R3HDM2: variants seen among roughly 807,000 people sequenced by gnomAD.
R3HDM2 encodes R3H domain containing 2, also known as R3H domain-containing protein 2.
R3HDM2 carries 38 observed loss-of-function variants against 124.5 expected under a neutral mutation model. That is an observed-to-expected ratio of 0.31 (90% CI 0.24 to 0.40). R3HDM2 has a LOEUF of 0.40. Ranked by LOEUF, R3HDM2 falls within the 10% of genes least tolerant of loss-of-function variation. The probability of loss-of-function intolerance (pLI) is 1.00; values close to 1 mark genes in which losing one functional copy is unlikely to be tolerated. For missense variants in R3HDM2, 869 were observed against 1,236.9 expected (o/e 0.70, Z 4.46); for synonymous variants, 391 against 448.0 (o/e 0.87, Z 1.61).
chr12:57,277,280 AC>A (rs2045054451), intron 14 of R3HDM2, among the ~76,000 whole-genome samples: 2 of 151,548 alleles, frequency 1.3e-5, no homozygotes, highest in Admixed American at 1.3e-4. Context: ...CCTCAGCCTC[AC>A]CCCTGGTTTC....
At position 57,269,420 on chromosome 12, in the gene R3HDM2, T is replaced by C. The variant is rs1372752938; in HGVS notation, c.1617A>G (p.Gln539=). The C allele has an allele frequency of 2.5e-6, 4 of 1,614,126 alleles. No homozygotes were observed. The highest frequency in any genetic ancestry group is 3.3e-5 in the Admixed American group (2 of 60,006). The change falls in exon 16 of 24, where the codon CAA becomes CAG. Residue 539 remains glutamine (Q), a synonymous_variant. Coordinates refer to ENST00000402412, the MANE Select transcript of R3HDM2 (RefSeq NM_001394031.1). Reference sequence around the variant, plus strand: ...GATATTGCTGGTTGGAGTTAGGATATTGTCCAGGGGGATAGTAAGAAACCT... The same window carrying C: ...GATATTGCTGGTTGGAGTTAGGATACTGTCCAGGGGGATAGTAAGAAACCT... ...QIQVSYYPPG[Q]YPNSNQQYRP...
chr12:57,260,917 C>A (rs967925766), intron 19 of R3HDM2, among the ~76,000 whole-genome samples: 2 of 152,184 alleles, frequency 1.3e-5, no homozygotes, highest in African/African-American at 4.8e-5. Context: ...GCTCAGGAGA[C>A]AGCATCTGTC....
chr12:57,308,351 C>T (rs764691615), intron 3 of R3HDM2, among the ~76,000 whole-genome samples: 2 of 151,778 alleles, frequency 1.3e-5, no homozygotes, highest in African/African-American at 2.4e-5. Flanking sequence ...CCACTGCGCC[C>T]GGCCTGAAGA....
chr12:57,295,593 A>G, intron 9 of R3HDM2, 86 bp from the exon 10 acceptor site: 1 of 865,440 alleles, frequency 1.2e-6, no homozygotes, highest in Non-Finnish European at 1.8e-6. Context: ...GCTCTCCTAA[A>G]TTACACAACT....
chr12:57,321,761 T>A (rs2056488099), intron 2 of R3HDM2, among the ~76,000 whole-genome samples: 1 of 152,080 alleles, frequency 6.6e-6, no homozygotes, highest in Non-Finnish European at 1.5e-5. Context: ...ACACATACTA[T>A]AATAGTCTAT....
intron 11 of R3HDM2, among the ~76,000 whole-genome samples, chr12:57,291,502 A>G (rs988172918): frequency 1.3e-5 from 2 of 151,786 alleles, no homozygotes; most frequent in Non-Finnish European, 1.5e-5. Flanking sequence ...AAAAATAAAA[A>G]AGTTAGCCAG....
chr12:57,406,637 T>A (rs1220194132), intron 1 of R3HDM2, among the ~76,000 whole-genome samples: 1 of 152,112 alleles, frequency 6.6e-6, no homozygotes, highest in Non-Finnish European at 1.5e-5. Context: ...TCTAATGAAG[T>A]TCAATGAAGT....
chr12:57,311,793 A>G (rs1423013176), intron 2 of R3HDM2, among the ~76,000 whole-genome samples: 1 of 152,166 alleles, frequency 6.6e-6, no homozygotes, highest in East Asian at 1.9e-4. Flanking sequence ...GCTATACACT[A>G]TTTGGGTTCA....
chr12:57,426,830 T>C (rs1566535333), intron 1 of R3HDM2, among the ~76,000 whole-genome samples: 1 of 152,168 alleles, frequency 6.6e-6, no homozygotes, highest in Non-Finnish European at 1.5e-5. Flanking sequence ...AACCAGGTTT[T>C]CCTAGTGAAA....
At chr12:57,368,816 T>C (rs2062967838) in intron 2 of R3HDM2, among the ~76,000 whole-genome samples, 1 of 152,172 alleles carries the variant, frequency 6.6e-6, no homozygotes, top group Non-Finnish European at 1.5e-5. Flanking sequence ...TAGTGAGTTC[T>C]GTGAGTCGTT....
At chr12:57,317,521 T>G (rs2055343331) in intron 2 of R3HDM2, among the ~76,000 whole-genome samples, 2 of 151,728 alleles carry the variant, frequency 1.3e-5, no homozygotes, top group Admixed American at 6.6e-5. Context: ...TAGACAATAG[T>G]CAATCTCGAC....
At chr12:57,357,284 A>G (rs971086117) in intron 2 of R3HDM2, among the ~76,000 whole-genome samples, 4 of 151,994 alleles carry the variant, frequency 2.6e-5, no homozygotes, top group Admixed American at 1.3e-4. Flanking sequence ...CAACATAGCA[A>G]AACCCCATCT....
At chr12:57,364,726 G>C (rs924663305) in intron 2 of R3HDM2, among the ~76,000 whole-genome samples, 1 of 147,550 alleles carries the variant, frequency 6.8e-6, no homozygotes, top group Non-Finnish European at 1.5e-5. Flanking sequence ...AGGCCGAGGC[G>C]GGCGGATCAT....
intron 2 of R3HDM2, among the ~76,000 whole-genome samples, chr12:57,392,538 G>A (rs1208717174): frequency 6.6e-6 from 1 of 152,126 alleles, no homozygotes; most frequent in Non-Finnish European, 1.5e-5. Context: ...CATGGCCCAG[G>A]GACTGGGGAA....
intron 3 of R3HDM2, among the ~76,000 whole-genome samples, chr12:57,307,214 A>G (rs1566068401): frequency 1.3e-5 from 2 of 152,164 alleles, no homozygotes; most frequent in Non-Finnish European, 2.9e-5. Context: ...GCTCCAATTC[A>G]TAACAGGGAC....
chr12:57,367,143 C>T lies in R3HDM2; in HGVS notation c.-36+28606G>A, dbSNP rs114297696. Among the ~76,000 whole-genome samples, 754 of 152,194 alleles carry T rather than the reference C, an allele frequency of 5.0e-3. 9 individuals are homozygous for T. Among genetic ancestry groups the T allele is most frequent in the African/African-American group, 0.017 (720 of 41,526 alleles). ...CCTTCTAAGGACTCTACTCAATGTC[C>T]CAGGTGTTAAGTGTTTCTACTCTGG... On this transcript the variant is annotated intron_variant, in intron 2 of 23. Coordinates refer to ENST00000402412, the MANE Select transcript of R3HDM2 (RefSeq NM_001394031.1).
intron 2 of R3HDM2, among the ~76,000 whole-genome samples, chr12:57,326,584 G>A (rs1004707848): frequency 1.3e-5 from 2 of 152,226 alleles, no homozygotes; most frequent in African/African-American, 4.8e-5. Context: ...AAAGGTGCAA[G>A]GTGAAGCAGC....
intron 3 of R3HDM2, chr12:57,304,643 A>G (rs778523277): frequency 1.5e-5 from 6 of 401,210 alleles, no homozygotes; most frequent in Non-Finnish European, 2.0e-5. Flanking sequence ...GAAGATTCAT[A>G]GTCCAGAAAT....
At chr12:57,352,023 C>T (rs967408227) in intron 2 of R3HDM2, among the ~76,000 whole-genome samples, 2 of 152,044 alleles carry the variant, frequency 1.3e-5, no homozygotes, top group Non-Finnish European at 2.9e-5. Flanking sequence ...AAACATTTAG[C>T]ATTTAAAAGA....
Sources: gnomAD v4.1 joint callset for allele counts (sites outside exome capture counted in the v4.1 genomes callset) on GRCh38, gnomAD v4.1.1 for gene constraint, MANE v1.5 for transcripts, NCBI Gene and HGNC (gene_info 2026-07-23, HGNC 2026-07-21) for gene names.